The following PABPC1L variants were observed in gnomAD, a reference collection of about 807,000 sequenced individuals.
The protein encoded by PABPC1L is polyadenylate-binding protein 1-like.
In PABPC1L, 31 loss-of-function variants were observed where a neutral mutation model predicts 66.6. The ratio of observed to expected loss-of-function variants is 0.47; its 90% CI spans 0.35 to 0.63. The LOEUF is 0.63. Among genes scored for constraint, PABPC1L ranks in the 20% least tolerant of loss-of-function variants. PABPC1L has a pLI of 0.00. For missense variants in PABPC1L, 722 were observed against 848.8 expected (o/e 0.85, Z 1.86); for synonymous variants, 348 against 335.1 (o/e 1.04, Z -0.42).
chr20:44,932,492 A>G, intron 9 of PABPC1L, 60 bp downstream of exon 9: 2 of 1,462,390 alleles, frequency 1.4e-6, no homozygotes, highest in Non-Finnish European at 1.9e-6. Context: ...CCCGTGAGGC[A>G]GTCATAACAC....
Position 44,938,058 on chromosome 20 carries a change from C to G in PABPC1L, c.1661-3C>G. 1.2e-6 allele frequency: 2 copies of G among 1,614,140 alleles called. No individual in the cohort carries two copies. Among genetic ancestry groups the G allele is most frequent in the East Asian group, 2.2e-5 (1 of 44,878 alleles). On this transcript the variant is annotated splice_polypyrimidine_tract_variant and splice_region_variant and intron_variant, in intron 12 of 14. Transcript: ENST00000217073. Reference sequence around the variant, plus strand: ...ACAAGCCATTAGAAGGTGTTCCACACAGGGGAGCGTCTCTACCCCCTTATC... The same window carrying G: ...ACAAGCCATTAGAAGGTGTTCCACAGAGGGGAGCGTCTCTACCCCCTTATC...
intron 2 of PABPC1L, among the ~76,000 whole-genome samples, chr20:44,913,492 A>T (rs930023129): frequency 6.6e-6 from 1 of 151,814 alleles, no homozygotes; most frequent in African/African-American, 2.4e-5. Context: ...GCTTACTGCA[A>T]CTTCCTGGGT....
chr20:44,928,899 GA>G (rs2066830700), intron 7 of PABPC1L, among the ~76,000 whole-genome samples: 1 of 144,040 alleles, frequency 6.9e-6, no homozygotes, highest in Admixed American at 7.0e-5. Context: ...AAAAAAAAAG[GA>G]AAAAAAGAAG....
chr20:44,938,324 T>C, intron 13 of PABPC1L, 133 bp downstream of exon 13: 2 of 1,239,480 alleles, frequency 1.6e-6, no homozygotes, highest in South Asian at 1.6e-5. Context: ...CCTGAAGGCC[T>C]GCTGAATCTT....
At chr20:44,932,062 G>C (rs1213137464) in intron 8 of PABPC1L, 1 of 277,376 alleles carries the variant, frequency 3.6e-6, no homozygotes. Flanking sequence ...AGTTGCTTAA[G>C]CTGCACAAGT....
intron 7 of PABPC1L, among the ~76,000 whole-genome samples, chr20:44,925,594 T>C (rs1395172976): frequency 6.6e-6 from 1 of 152,116 alleles, no homozygotes; most frequent in Admixed American, 6.6e-5. Context: ...CTGAATGATG[T>C]GATGTTGGGT....
In PABPC1L at chr20:44,935,278, A is replaced by G. The variant is rs1312150958; in HGVS notation, c.1460-113A>G. On this transcript the variant is annotated intron_variant, in intron 10 of 14. Coordinates refer to ENST00000217073, the MANE Select transcript of PABPC1L (RefSeq NM_001372179.1). The stretch of plus-strand genomic sequence containing the variant: ...GTGCACAGTCTTCTAATTTCTTTAC[A>G]TTCTTGTCAACGCTTGTTATTTTCT... 4.0e-6 allele frequency: 3 copies of G among 755,262 alleles called. No individual in the cohort carries two copies. The East Asian group carries it at 8.0e-5, about 20-fold the overall frequency. 46.8% of individuals were successfully genotyped at this position (755,262 alleles called of 1,614,324 possible). A position where few individuals can be genotyped will look rare whatever the true frequency, so the allele number is the denominator to read the frequency against.
intron 2 of PABPC1L, among the ~76,000 whole-genome samples, chr20:44,913,252 A>G (rs976869624): frequency 6.6e-6 from 1 of 152,184 alleles, no homozygotes; most frequent in African/African-American, 2.4e-5. Flanking sequence ...CAGCTGGAAC[A>G]TCTTGGCTTT....
intron 7 of PABPC1L, 95 bp from the exon 8 acceptor site, chr20:44,930,365 A>G: frequency 6.8e-7 from 1 of 1,476,296 alleles, no homozygotes; most frequent in Non-Finnish European, 9.2e-7. Context: ...GGGCCTGCCC[A>G]GTGCTGGGCT....
At chr20:44,922,420 T>TATA (rs1435721604) in intron 6 of PABPC1L, among the ~76,000 whole-genome samples, 1 of 152,020 alleles carries the variant, frequency 6.6e-6, no homozygotes, top group Non-Finnish European at 1.5e-5. Context: ...GTATTTTTAG[T>TATA]AGAGACAGGG....
At chr20:44,920,116 G>T (rs1284111883) in intron 5 of PABPC1L, among the ~76,000 whole-genome samples, 1 of 152,102 alleles carries the variant, frequency 6.6e-6, no homozygotes, top group South Asian at 2.1e-4. Flanking sequence ...GCTCCCAAGG[G>T]TTACGTCTGT....
At chr20:44,938,332 C>T in intron 13 of PABPC1L, 141 bp downstream of exon 13, 1 of 1,193,424 alleles carries the variant, frequency 8.4e-7, no homozygotes, top group Non-Finnish European at 1.1e-6. Flanking sequence ...CCTGCTGAAT[C>T]TTAAGAGTGG....
intron 6 of PABPC1L, 29 bp downstream of exon 6, chr20:44,921,760 C>A: frequency 6.2e-7 from 1 of 1,612,222 alleles, no homozygotes. Context: ...GTGGCAGCCA[C>A]TTCTGTGTGA....
At chr20:44,933,232 C>T (rs1182876858) in intron 10 of PABPC1L, 47 bp downstream of exon 10, 2 of 1,492,616 alleles carry the variant, frequency 1.3e-6, no homozygotes, top group Non-Finnish European at 1.8e-6. Context: ...GCAAAGTTGG[C>T]ACTAGGAGTC....
chr20:44,937,814 C>T (rs896710559), intron 12 of PABPC1L: 17 of 488,784 alleles, frequency 3.5e-5, no homozygotes, highest in Non-Finnish European at 5.7e-5. Context: ...ATCCTTTCCG[C>T]CCCCACTTAA....
intron 9 of PABPC1L, 156 bp from the exon 10 acceptor site, chr20:44,932,901 G>T: frequency 6.7e-6 from 4 of 600,228 alleles, no homozygotes; most frequent in Non-Finnish European, 1.2e-5. Flanking sequence ...TGGAGTTCTG[G>T]GTCTAAGTGA....
At chr20:44,932,479 G>A (rs1394996931) in intron 9 of PABPC1L, 47 bp downstream of exon 9, 2 of 1,514,120 alleles carry the variant, frequency 1.3e-6, no homozygotes, top group Non-Finnish European at 1.8e-6. Context: ...TATTGGTGTG[G>A]GCCCCGTGAG....
At chr20:44,915,276 C>T (rs190815261) in intron 2 of PABPC1L, among the ~76,000 whole-genome samples, 2 of 152,276 alleles carry the variant, frequency 1.3e-5, no homozygotes, top group Non-Finnish European at 2.9e-5. Context: ...GGCTGGGAGG[C>T]AGTGCTTGTC....
At chr20:44,913,949 T>C (rs1294240965) in intron 2 of PABPC1L, among the ~76,000 whole-genome samples, 1 of 152,230 alleles carries the variant, frequency 6.6e-6, no homozygotes, top group Non-Finnish European at 1.5e-5. Flanking sequence ...ACATATTAGG[T>C]GCTCAATAAA....
Sources: gnomAD v4.1 joint callset for allele counts (sites outside exome capture counted in the v4.1 genomes callset) on GRCh38, gnomAD v4.1.1 for gene constraint, MANE v1.5 for transcripts, NCBI Gene and HGNC (gene_info 2026-07-23, HGNC 2026-07-21) for gene names.